Variants in CCDC73 observed in about 807,000 individuals in gnomAD.
The protein encoded by CCDC73 is coiled-coil domain-containing protein 73.
Under a neutral mutation model 116.5 loss-of-function variants are expected in CCDC73, and 95 were observed. The ratio of observed to expected loss-of-function variants is 0.82; its 90% CI spans 0.69 to 0.97. CCDC73 has a LOEUF of 0.97. Among genes scored for constraint, CCDC73 ranks in the 50% least tolerant of loss-of-function variants. CCDC73 has a pLI of 0.00. For synonymous variants in CCDC73, 398 were observed against 401.3 expected, an observed-to-expected ratio of 0.99 and a Z score of 0.10; for missense variants, 1,066 against 1,206.8, an observed-to-expected ratio of 0.88 and a Z score of 1.73.
At chr11:32,670,582 C>T (rs1041854458) in intron 9 of CCDC73, among the ~76,000 whole-genome samples, 2 of 151,918 alleles carry the variant, frequency 1.3e-5, no homozygotes, top group African/African-American at 4.8e-5. Context: ...TCTAGGTTCA[C>T]TCCTAAAACG....
chr11:32,769,502 C>A (rs1395741345), intron 1 of CCDC73, among the ~76,000 whole-genome samples: 1 of 152,120 alleles, frequency 6.6e-6, no homozygotes, highest in African/African-American at 2.4e-5. Context: ...CTTTCTGAGA[C>A]CCAGGTTCAG....
Position 32,755,937 on chromosome 11 carries a change from A to C in CCDC73, c.135+4172T>G, listed in dbSNP as rs1487376001. Among the ~76,000 whole-genome samples the C allele has an allele frequency of 4.2e-3, 61 of 14,508 alleles. No individual in the cohort carries two copies. The East Asian group carries it at 0.047, about 11-fold the overall frequency. The allele number at this position is 14,508 out of a possible 152,430, so 9.5% of individuals were successfully genotyped here. On this transcript the variant is annotated intron_variant, in intron 2 of 17. Transcript: ENST00000335185. Reference sequence around the variant, plus strand: ...TCTCCATATATATATCTATATATATATCTCCATATATATATCTATATATAT... The same window carrying C: ...TCTCCATATATATATCTATATATATCTCTCCATATATATATCTATATATAT...
intron 2 of CCDC73, among the ~76,000 whole-genome samples, chr11:32,750,538 T>C (rs1332158721): frequency 6.6e-6 from 1 of 152,180 alleles, no homozygotes. Context: ...GTGGCTAAGC[T>C]GGCACCAAAA....
intron 9 of CCDC73, among the ~76,000 whole-genome samples, chr11:32,660,857 G>T (rs949369976): frequency 2.0e-5 from 3 of 152,094 alleles, no homozygotes; most frequent in Admixed American, 1.3e-4. Context: ...TACAAAGGGG[G>T]TAAAGAAGAA....
chr11:32,660,493 A>G (rs1855913363), intron 9 of CCDC73, among the ~76,000 whole-genome samples: 1 of 151,986 alleles, frequency 6.6e-6, no homozygotes, highest in South Asian at 2.1e-4. Flanking sequence ...ATACATATAT[A>G]AAACAGGAAA....
chr11:32,658,060 C>T (rs1291090933), intron 9 of CCDC73, among the ~76,000 whole-genome samples: 3 of 150,638 alleles, frequency 2.0e-5, no homozygotes, highest in Admixed American at 1.3e-4. Flanking sequence ...AACCCCACAG[C>T]TTCTGCCTTA....
At chr11:32,719,707 A>G (rs1377391195) in intron 2 of CCDC73, among the ~76,000 whole-genome samples, 1 of 152,198 alleles carries the variant, frequency 6.6e-6, no homozygotes, top group Admixed American at 6.5e-5. Flanking sequence ...AAATATGGTC[A>G]AAGAGCTAAA....
Position 32,618,794 on chromosome 11 carries a change from T to C in CCDC73, c.1186-2665A>G, listed in dbSNP as rs893421498. ...CTTGAACTCCTGACCTCAGGTGATC[T>C]ACTCGTCTTGGCCTCCCAATGTGCT... is the stretch of plus-strand genomic sequence containing the variant. On this transcript the variant is annotated intron_variant, in intron 14 of 17. Transcript: ENST00000335185. 2.0e-5 allele frequency among the ~76,000 whole-genome samples: 3 copies of C among 152,140 alleles called. No homozygotes were observed. The East Asian group carries it at 5.8e-4, about 29-fold the overall frequency.
intron 9 of CCDC73, among the ~76,000 whole-genome samples, chr11:32,671,652 G>A (rs1356864893): frequency 1.3e-5 from 2 of 152,136 alleles, no homozygotes; most frequent in Non-Finnish European, 2.9e-5. Context: ...AGTGTACTTA[G>A]AATGTCTACA....
At chr11:32,684,591 A>T (rs1035030968) in intron 6 of CCDC73, among the ~76,000 whole-genome samples, 1 of 152,216 alleles carries the variant, frequency 6.6e-6, no homozygotes, top group Non-Finnish European at 1.5e-5. Context: ...CTATTATGAA[A>T]TATTCTGAAA....
chr11:32,670,454 G>A (rs752131077), intron 9 of CCDC73, among the ~76,000 whole-genome samples: 2 of 151,760 alleles, frequency 1.3e-5, no homozygotes, highest in Non-Finnish European at 2.9e-5. Context: ...CCTGGGGGGC[G>A]GAGCTTGCAG....
intron 1 of CCDC73, among the ~76,000 whole-genome samples, chr11:32,767,007 T>C (rs1027544451): frequency 3.3e-5 from 5 of 152,172 alleles, no homozygotes; most frequent in African/African-American, 1.2e-4. Flanking sequence ...GAGCTCGCAT[T>C]GCCAAGGCAA....
chr11:32,611,000 G>A, intron 17 of CCDC73, 132 bp downstream of exon 17: 1 of 772,046 alleles, frequency 1.3e-6, no homozygotes, highest in Non-Finnish European at 2.0e-6. Flanking sequence ...GTGAAAAATG[G>A]TGCCATGTTG....
Position 32,735,354 on chromosome 11 carries a change from C to A in CCDC73, c.136-17207G>T, listed in dbSNP as rs542618172. Among the ~76,000 whole-genome samples the A allele has an allele frequency of 7.2e-5, 11 of 152,332 alleles. No individual in the cohort carries two copies. In the South Asian group the frequency reaches 2.3e-3, roughly 32 times the overall value. The stretch of plus-strand genomic sequence containing the variant: ...ATACAAAATCAATGTGCAAAAATCA[C>A]AAGCATTCTTATACACCAATAACAA... On this transcript the variant is annotated intron_variant, in intron 2 of 17. Transcript: ENST00000335185.
chr11:32,737,178 T>G (rs1850140242), intron 2 of CCDC73, among the ~76,000 whole-genome samples: 1 of 151,816 alleles, frequency 6.6e-6, no homozygotes, highest in Non-Finnish European at 1.5e-5. Context: ...TTCATGATTT[T>G]TTAAACTTTT....
chr11:32,731,420 G>C (rs1850077007), intron 2 of CCDC73, among the ~76,000 whole-genome samples: 1 of 152,216 alleles, frequency 6.6e-6, no homozygotes, highest in Non-Finnish European at 1.5e-5. Flanking sequence ...GCTTTGAAGA[G>C]AGTAGTCGTT....
intron 1 of CCDC73, among the ~76,000 whole-genome samples, chr11:32,790,886 T>C (rs1268057022): frequency 2.6e-5 from 4 of 152,122 alleles, no homozygotes; most frequent in African/African-American, 9.7e-5. Context: ...TAAACACTAA[T>C]TTGAGCCACC....
intron 12 of CCDC73, among the ~76,000 whole-genome samples, chr11:32,646,725 C>T (rs1855782354): frequency 1.3e-5 from 2 of 152,112 alleles, no homozygotes; most frequent in African/African-American, 4.8e-5. Flanking sequence ...ATCTGTCAGG[C>T]CTGGATGACT....
rs184890977 is a variant in CCDC73 at position 32,654,182 on chromosome 11, T to G, written c.775-145A>C. The G allele has an allele frequency of 4.0e-3, 3,158 of 781,446 alleles. 6 individuals carry two copies. Among genetic ancestry groups the G allele is most frequent in the Admixed American group, 6.5e-3 (182 of 27,994 alleles). The allele number at this position is 781,446 out of a possible 1,614,324, so 48.4% of individuals were successfully genotyped here. The stretch of plus-strand genomic sequence containing the variant: ...TTGTTTTTTTGTTTGTTTATTTGTA[T>G]GTTTGTTTTGAGACTGTGTCTCGCT... On this transcript the variant is annotated intron_variant, in intron 10 of 17. Coordinates refer to ENST00000335185, the MANE Select transcript of CCDC73 (RefSeq NM_001008391.4).
Sources: gnomAD v4.1 joint callset for allele counts (sites outside exome capture counted in the v4.1 genomes callset) on GRCh38, gnomAD v4.1.1 for gene constraint, MANE v1.5 for transcripts, NCBI Gene and HGNC (gene_info 2026-07-23, HGNC 2026-07-21) for gene names.